Variants in DOP1A observed in about 807,000 individuals in gnomAD.
DOP1A encodes the protein protein DOP1A.
A neutral mutation model predicts 267.6 loss-of-function variants in DOP1A; 90 were observed. The ratio of observed to expected loss-of-function variants is 0.34; its 90% CI spans 0.28 to 0.40. The LOEUF (loss-of-function observed/expected upper bound fraction) is 0.40, where lower values mean the gene tolerates loss of function less well. DOP1A is among the 10% of genes least tolerant of loss of function. The pLI, the probability that DOP1A is intolerant of heterozygous loss-of-function variation, is 1.00. For synonymous variants in DOP1A, 932 were observed against 999.1 expected (o/e 0.93, Z 1.27); for missense variants, 2,437 against 2,900.4 (o/e 0.84, Z 3.67).
rs1781792193 is a variant in DOP1A, at chr6:83,152,122, T to C, written c.6049+95T>C. 10 of 1,421,442 alleles carry C rather than the reference T, an allele frequency of 7.0e-6. No homozygotes were observed. In the East Asian group the frequency reaches 2.3e-4, roughly 33 times the overall value. The allele number at this position is 1,421,442 out of a possible 1,614,324, so 88.1% of individuals were successfully genotyped here. A position where few individuals can be genotyped will look rare whatever the true frequency, so the allele number is the denominator to read the frequency against. On this transcript the variant is annotated intron_variant, in intron 29 of 38. Transcript: ENST00000349129. ...TAGCACTATAAGTACCACAAATTTA[T>C]CCCTTTTCTCATGTCTAACAAGTAA...
At chr6:83,130,969 C>T (rs532625117) in intron 17 of DOP1A, among the ~76,000 whole-genome samples, 28 of 152,142 alleles carry the variant, frequency 1.8e-4, no homozygotes, top group African/African-American at 6.3e-4. Context: ...AAACTCCCGA[C>T]CTCAGTAATC....
rs903848258 is a variant in DOP1A, at chr6:83,137,438, T to C, written c.3396T>C (p.Asn1132=). The C allele has an allele frequency of 6.2e-7, 1 of 1,613,854 alleles. No individual in the cohort carries two copies. Among genetic ancestry groups the C allele is most frequent in the Non-Finnish European group, 8.5e-7 (1 of 1,179,856 alleles). The change falls in exon 21 of 39, where the codon AAT becomes AAC. Residue 1132 remains asparagine, a synonymous_variant. Transcript: ENST00000349129. The stretch of plus-strand genomic sequence containing the variant: ...ACGAAGTTGATCCTGAAACCGTGAA[T>C]GCCCAAGAGGATTCTCAAATGCCCA... ...LSYEVDPETV[N]AQEDSQMPKE... is the part of the protein sequence containing the mutation.
At position 83,138,135 on chromosome 6, in the gene DOP1A, C is replaced by G; in HGVS notation, c.4093C>G (p.Leu1365Val). ...RKSPNFNIHPLYQHVLLYLQL... is the reference protein window; with the variant it reads ...RKSPNFNIHPVYQHVLLYLQL... ...ATCTCCCAATTTCAACATTCATCCT[C>G]TCTATCAACATGTGCTCCTGTATCT... The change falls in exon 21 of 39, where the codon CTC becomes GTC. Residue 1365 changes from leucine (L) to valine (V), a missense_variant. This residue lies in a region of DOP1A where 878 missense variants were observed against 992.9 expected (regional missense o/e 0.88). Transcript: ENST00000349129. 1.2e-6 allele frequency: 2 copies of G among 1,613,928 alleles called. No homozygotes were observed. Among genetic ancestry groups the G allele is most frequent in the Non-Finnish European group, 1.7e-6 (2 of 1,179,896 alleles).
chr6:83,149,909 T>A (rs1781302595), intron 27 of DOP1A, among the ~76,000 whole-genome samples: 1 of 152,112 alleles, frequency 6.6e-6, no homozygotes, highest in African/African-American at 2.4e-5. Flanking sequence ...AGGTGAGGAA[T>A]AATAAAAGGC....
chr6:83,129,196 T>C lies in DOP1A; in HGVS notation c.2029T>C (p.Cys677Arg). The change falls in exon 16 of 39, where the codon TGC becomes CGC. Residue 677 changes from cysteine (C) to arginine (R), a missense_variant. Physicochemically the swap from Cys to Arg is radical, Grantham distance 180. Coordinates refer to ENST00000349129, the MANE Select transcript of DOP1A (RefSeq NM_015018.4). ...KTAQKTAMQC[C>R]LEYVQQFLTR... Reference sequence around the variant, plus strand: ...AGCCCAAAAGACTGCAATGCAGTGCTGCTTGGAGTATGTCCAACAGTTTCT... The same window carrying C: ...AGCCCAAAAGACTGCAATGCAGTGCCGCTTGGAGTATGTCCAACAGTTTCT... 1 of 1,613,340 alleles carries C rather than the reference T, an allele frequency of 6.2e-7. No homozygotes were observed. The highest frequency in any genetic ancestry group is 8.5e-7 in the Non-Finnish European group (1 of 1,179,652).
chr6:83,092,556 T>TCCCCCCC (rs66482434), intron 1 of DOP1A, among the ~76,000 whole-genome samples: 7 of 67,852 alleles, frequency 1.0e-4, no homozygotes, highest in Non-Finnish European at 1.7e-4. Flanking sequence ...GTAGTGTCCC[T>TCCCCCCC]CCCCCCCCCC....
chr6:83,097,021 G>T lies in DOP1A; in HGVS notation c.44G>T (p.Arg15Ile). ...GAGTTATTGAGTGACTCCAAATACAGAAACTATGTAGCAGCAATTGACAAA... is the reference window on the plus strand; with the variant it reads ...GAGTTATTGAGTGACTCCAAATACATAAACTATGTAGCAGCAATTGACAAA... ...ELELLSDSKY[R>I]NYVAAIDKAL... The change falls in exon 3 of 39, where the codon AGA (arginine) becomes ATA (isoleucine). Residue 15 changes from arginine to isoleucine, a missense_variant. Physicochemically the swap from Arg to Ile is moderately conservative, Grantham distance 97. Transcript: ENST00000349129. 6.2e-7 allele frequency: 1 copy of T among 1,614,076 alleles called. No homozygotes were observed. Among genetic ancestry groups the T allele is most frequent in the Non-Finnish European group, 8.5e-7 (1 of 1,179,982 alleles).
chr6:83,145,499 A>G (rs372052661), intron 24 of DOP1A, 25 bp from the exon 25 acceptor site: 3 of 1,555,892 alleles, frequency 1.9e-6, no homozygotes, highest in South Asian at 1.2e-5. Flanking sequence ...ACATACATAC[A>G]TACATACAAT....
At position 83,138,329 on chromosome 6, in the gene DOP1A, T is replaced by C. The variant is rs199941346; in HGVS notation, c.4287T>C (p.Ser1429=). 9.3e-6 allele frequency: 15 copies of C among 1,611,984 alleles called. No individual in the cohort carries two copies. Among genetic ancestry groups the C allele is most frequent in the South Asian group, 2.2e-5 (2 of 91,074 alleles). ...LQNLLARHRI[S]VMGKDFYSHI... ...ATCTATTGGCCAGACACCGGATTTCTGTTATGGGCAAAGATTTTTATAGTC... is the reference window on the plus strand; with the variant it reads ...ATCTATTGGCCAGACACCGGATTTCCGTTATGGGCAAAGATTTTTATAGTC... The change falls in exon 21 of 39, where the codon TCT becomes TCC. Residue 1429 remains serine, a synonymous_variant. Transcript: ENST00000349129.
At chr6:83,165,882 T>A (rs1445490739) in intron 38 of DOP1A, 1 of 394,694 alleles carries the variant, frequency 2.5e-6, no homozygotes, top group Non-Finnish European at 5.1e-6. Flanking sequence ...TGAGCATACT[T>A]ATCAGATGTA....
At chr6:83,130,466 T>C in intron 17 of DOP1A, 69 bp downstream of exon 17, 1 of 1,522,366 alleles carries the variant, frequency 6.6e-7, no homozygotes. Flanking sequence ...CCTAGTTTGC[T>C]TTAAGAATTA....
At chr6:83,160,975 A>G (rs575573692) in intron 37 of DOP1A, among the ~76,000 whole-genome samples, 24 of 149,158 alleles carry the variant, frequency 1.6e-4, no homozygotes, top group Non-Finnish European at 3.0e-4. Context: ...CTTGAAAACC[A>G]TATATATATA....
chr6:83,150,257 C>G (rs73749717), intron 27 of DOP1A, among the ~76,000 whole-genome samples: 2,828 of 152,144 alleles, frequency 0.019, 96 homozygotes, highest in African/African-American at 0.064. Flanking sequence ...GCCTGTAGTC[C>G]CAGCTACACA....
chr6:83,124,763 T>C lies in DOP1A; in HGVS notation c.1399T>C (p.Leu467=). ...TGGAGATAGTAATGACTCATCTGAA[T>C]TACAGCTGACCAATTTCTGCTTACT... The part of the protein sequence containing the change: ...GPGDSNDSSE[L]QLTNFCLLVD... The change falls in exon 13 of 39, where the codon TTA becomes CTA. Residue 467 remains leucine, a synonymous_variant. Coordinates refer to ENST00000349129, the MANE Select transcript of DOP1A (RefSeq NM_015018.4). 2 of 1,613,368 alleles carry C rather than the reference T, an allele frequency of 1.2e-6. No individual in the cohort carries two copies. Among genetic ancestry groups the C allele is most frequent in the Non-Finnish European group, 1.7e-6 (2 of 1,179,588 alleles).
At chr6:83,071,626 C>G (rs1785611409) in intron 1 of DOP1A, among the ~76,000 whole-genome samples, 1 of 151,942 alleles carries the variant, frequency 6.6e-6, no homozygotes, top group African/African-American at 2.4e-5. Flanking sequence ...CTTGAAAATT[C>G]CTTAGAATTT....
chr6:83,108,293 T>G (rs543495801), intron 4 of DOP1A, among the ~76,000 whole-genome samples: 36 of 152,222 alleles, frequency 2.4e-4, no homozygotes, highest in African/African-American at 8.4e-4. Flanking sequence ...AGTCCTCTAC[T>G]CTCAGCCTCC....
intron 1 of DOP1A, among the ~76,000 whole-genome samples, chr6:83,075,899 A>G (rs1352833217): frequency 2.0e-5 from 3 of 152,214 alleles, no homozygotes; most frequent in Admixed American, 1.3e-4. Flanking sequence ...AGAAGAAAAC[A>G]TAGGAGAAAA....
At chr6:83,139,884 T>A in intron 21 of DOP1A, 116 bp from the exon 22 acceptor site, 1 of 625,560 alleles carries the variant, frequency 1.6e-6, no homozygotes, top group Non-Finnish European at 2.7e-6. Flanking sequence ...CATTTGTTAA[T>A]CTAGTATTTA....
intron 29 of DOP1A, 80 bp from the exon 30 acceptor site, chr6:83,152,208 T>C: frequency 1.3e-6 from 1 of 764,554 alleles, no homozygotes; most frequent in East Asian, 3.3e-5. Flanking sequence ...TATATAAAAA[T>C]AATACACACA....
Sources: allele counts gnomAD v4.1 joint callset (sites outside exome capture counted in the v4.1 genomes callset), GRCh38; gene constraint gnomAD v4.1.1; regional missense constraint gnomAD v4.1.1; transcripts MANE v1.5; gene names NCBI Gene and HGNC (gene_info 2026-07-23, HGNC 2026-07-21).